Variants in SLC35F1 observed in about 807,000 individuals in gnomAD.
The protein encoded by SLC35F1 is solute carrier family 35 member F1, also known as chromosome 6 open reading frame 169.
In SLC35F1, 14 loss-of-function variants were observed where a neutral mutation model predicts 48.7. The observed-to-expected ratio is 0.29, with a 90% CI of 0.19 to 0.45. The LOEUF (loss-of-function observed/expected upper bound fraction) is 0.45, where lower values mean the gene tolerates loss of function less well. SLC35F1 is among the 20% of genes least tolerant of loss of function. The pLI, the probability that SLC35F1 is intolerant of heterozygous loss-of-function variation, is 1.00. For synonymous variants in SLC35F1, 190 were observed against 202.2 expected (o/e 0.94, Z 0.51); for missense variants, 404 against 500.0 (o/e 0.81, Z 1.83).
intron 7 of SLC35F1, among the ~76,000 whole-genome samples, chr6:118,309,320 C>T (rs1776348053): frequency 6.6e-6 from 1 of 151,932 alleles, no homozygotes; most frequent in Non-Finnish European, 1.5e-5. Context: ...GGACTACAGG[C>T]ATGCATTACC....
chr6:118,270,730 G>A (rs1775841242), intron 4 of SLC35F1, among the ~76,000 whole-genome samples: 3 of 152,180 alleles, frequency 2.0e-5, no homozygotes, highest in Admixed American at 1.3e-4. Flanking sequence ...GATGTGCAGG[G>A]CAATAGGCAA....
chr6:118,247,046 A>G (rs899659618), intron 3 of SLC35F1, among the ~76,000 whole-genome samples: 7 of 152,206 alleles, frequency 4.6e-5, no homozygotes, highest in African/African-American at 1.7e-4. Flanking sequence ...AGGTCCTGTT[A>G]CTCACATATT....
intron 1 of SLC35F1, among the ~76,000 whole-genome samples, chr6:117,944,190 G>T (rs1337103368): frequency 6.6e-6 from 1 of 152,150 alleles, no homozygotes; most frequent in Non-Finnish European, 1.5e-5. Flanking sequence ...CAATTATGGA[G>T]AATTATTTCT....
At chr6:118,111,394 T>C (rs2501515) in intron 1 of SLC35F1, among the ~76,000 whole-genome samples, 149,001 of 152,282 alleles carry the variant, frequency 0.98, 72,988 homozygotes, top group Middle Eastern at 1. Flanking sequence ...ATAATGATTA[T>C]ATTGCACTTC....
Position 117,953,362 on chromosome 6 carries a change from AT to A in SLC35F1, c.173+45470del, listed in dbSNP as rs990850558. ...TATTATTTGCTTTATTTTTTATTGA[AT>A]TTTTTTCTAAATATGGCTTTGTACA... On this transcript the variant is annotated intron_variant, in intron 1 of 7. Coordinates refer to ENST00000360388, the MANE Select transcript of SLC35F1 (RefSeq NM_001029858.4). Among the ~76,000 whole-genome samples the A allele has an allele frequency of 5.3e-5, 8 of 151,748 alleles. No homozygotes were observed. The East Asian group carries it at 1.4e-3, about 26-fold the overall frequency.
At chr6:118,172,280 G>A (rs1774417598) in intron 2 of SLC35F1, among the ~76,000 whole-genome samples, 1 of 152,152 alleles carries the variant, frequency 6.6e-6, no homozygotes. Context: ...TGAATGGGCA[G>A]AGTGGATTAG....
At chr6:118,081,322 T>A (rs567132553) in intron 1 of SLC35F1, among the ~76,000 whole-genome samples, 48 of 152,246 alleles carry the variant, frequency 3.2e-4, no homozygotes, top group African/African-American at 1.1e-3. Context: ...ACCTTTTCAC[T>A]CTGTTTCCTT....
rs151229195 is a variant in SLC35F1 at position 118,279,270 on chromosome 6, T to C, written c.847+1724T>C. 2.9e-3 allele frequency among the ~76,000 whole-genome samples: 444 copies of C among 152,318 alleles called. 1 individual carries two copies. Among genetic ancestry groups the C allele is most frequent in the African/African-American group, 9.9e-3 (413 of 41,556 alleles). Reference sequence around the variant, plus strand: ...CATGTATCAAACTATCACATGTACCTCATAAATATGTACAATTATTATGTA... The same window carrying C: ...CATGTATCAAACTATCACATGTACCCCATAAATATGTACAATTATTATGTA... On this transcript the variant is annotated intron_variant, in intron 6 of 7. Coordinates refer to ENST00000360388, the MANE Select transcript of SLC35F1 (RefSeq NM_001029858.4).
intron 2 of SLC35F1, among the ~76,000 whole-genome samples, chr6:118,189,030 A>G (rs915585800): frequency 2.0e-5 from 3 of 151,784 alleles, no homozygotes; most frequent in Admixed American, 6.6e-5. Context: ...TCCCACCTCA[A>G]CCTCTCAAGT....
intron 1 of SLC35F1, among the ~76,000 whole-genome samples, chr6:117,966,133 C>CG (rs1295919037): frequency 1.0e-4 from 6 of 59,060 alleles, no homozygotes; most frequent in South Asian, 8.3e-4. Flanking sequence ...AGGCCACCGC[C>CG]CCCCCCCCCA....
At chr6:118,097,650 A>T (rs1773195875) in intron 1 of SLC35F1, among the ~76,000 whole-genome samples, 1 of 152,196 alleles carries the variant, frequency 6.6e-6, no homozygotes, top group Non-Finnish European at 1.5e-5. Context: ...TTATGCAGGA[A>T]ATTGTATTCA....
chr6:118,302,144 A>T (rs1776260279), intron 7 of SLC35F1, among the ~76,000 whole-genome samples: 1 of 152,182 alleles, frequency 6.6e-6, no homozygotes, highest in African/African-American at 2.4e-5. Flanking sequence ...TAGCATACAC[A>T]CAATGCTGTG....
Position 118,154,496 on chromosome 6 carries a change from T to C in SLC35F1, c.225T>C (p.Cys75=). 1 of 1,614,022 alleles carries C rather than the reference T, an allele frequency of 6.2e-7. No individual in the cohort carries two copies. The highest frequency in any genetic ancestry group is 8.5e-7 in the Non-Finnish European group (1 of 1,179,920). ...ALGQVLSLLI[C]GIGLTSKYLS... ...GCCAGGTGTTATCCCTCCTTATTTG[T>C]GGAATTGGCTTGACTAGCAAGTATC... The change falls in exon 2 of 8, where the codon TGT becomes TGC. Residue 75 remains cysteine (C), a synonymous_variant. Transcript: ENST00000360388.
At chr6:118,236,816 G>T (rs1334456839) in intron 3 of SLC35F1, among the ~76,000 whole-genome samples, 1 of 152,208 alleles carries the variant, frequency 6.6e-6, no homozygotes, top group East Asian at 1.9e-4. Context: ...TTAGACTGAT[G>T]TTGGAAGAGA....
intron 2 of SLC35F1, among the ~76,000 whole-genome samples, chr6:118,170,909 G>T (rs766389942): frequency 9.2e-5 from 14 of 152,076 alleles, no homozygotes; most frequent in Admixed American, 5.9e-4. Flanking sequence ...AGGAAGTCTT[G>T]TTAAATTTTG....
chr6:118,160,864 C>A (rs1038593872), intron 2 of SLC35F1, among the ~76,000 whole-genome samples: 1 of 150,592 alleles, frequency 6.6e-6, no homozygotes, highest in African/African-American at 2.4e-5. Context: ...AATAAAAATT[C>A]TTCTGAGAGT....
chr6:118,016,776 T>C (rs1473336586), intron 1 of SLC35F1, among the ~76,000 whole-genome samples: 1 of 152,234 alleles, frequency 6.6e-6, no homozygotes, highest in Non-Finnish European at 1.5e-5. Flanking sequence ...CAAAAGCTTC[T>C]TTTTAAAGAC....
At chr6:117,953,842 C>G (rs1278753431) in intron 1 of SLC35F1, among the ~76,000 whole-genome samples, 1 of 152,014 alleles carries the variant, frequency 6.6e-6, no homozygotes, top group Admixed American at 6.5e-5. Flanking sequence ...TAATGGGGCA[C>G]AAAGCAGATA....
chr6:118,158,749 T>C (rs745535502), intron 2 of SLC35F1, among the ~76,000 whole-genome samples: 2 of 152,194 alleles, frequency 1.3e-5, no homozygotes. Context: ...GGCTCCACTG[T>C]AAGTTCCAAA....
Sources: gnomAD v4.1 joint callset for allele counts (sites outside exome capture counted in the v4.1 genomes callset) on GRCh38, gnomAD v4.1.1 for gene constraint, MANE v1.5 for transcripts, NCBI Gene and HGNC (gene_info 2026-07-23, HGNC 2026-07-21) for gene names.